BABAM2: variants seen among roughly 807,000 people sequenced by gnomAD.
BABAM2 encodes BRISC and BRCA1 A complex member 2, also known as BRISC and BRCA1-A complex member 2.
In BABAM2, 31 loss-of-function variants were observed where a neutral mutation model predicts 54.7. The ratio of observed to expected loss-of-function variants is 0.57; its 90% CI spans 0.43 to 0.77. BABAM2 has a LOEUF of 0.77. Among genes scored for constraint, BABAM2 ranks in the 30% least tolerant of loss-of-function variants. BABAM2 has a pLI of 0.00. For missense variants in BABAM2, 364 were observed against 455.8 expected, an observed-to-expected ratio of 0.80 and a Z score of 1.83; for synonymous variants, 167 against 162.9, an observed-to-expected ratio of 1.03 and a Z score of -0.19.
intron 2 of BABAM2, among the ~76,000 whole-genome samples, chr2:27,904,961 C>G (rs1177394790): frequency 6.6e-6 from 1 of 152,136 alleles, no homozygotes; most frequent in Non-Finnish European, 1.5e-5. Flanking sequence ...GCAGTCAATA[C>G]AATTAAAGCA....
chr2:28,195,691 C>G (rs1392208784), intron 7 of BABAM2, among the ~76,000 whole-genome samples: 1 of 152,138 alleles, frequency 6.6e-6, no homozygotes, highest in African/African-American at 2.4e-5. Context: ...CGGATATAGA[C>G]AGCCTGTCTT....
chr2:27,934,157 A>T (rs1391861197), intron 3 of BABAM2, among the ~76,000 whole-genome samples: 1 of 151,852 alleles, frequency 6.6e-6, no homozygotes, highest in Non-Finnish European at 1.5e-5. Flanking sequence ...TGCTTATTTC[A>T]TGCCTTTGTG....
intron 2 of BABAM2, 104 bp downstream of exon 2, chr2:27,894,788 C>T (rs1237748719): frequency 7.4e-7 from 1 of 1,348,292 alleles, no homozygotes; most frequent in Admixed American, 1.9e-5. Flanking sequence ...GCCACAGAAA[C>T]CCACCAAGTC....
chr2:28,199,241 G>T (rs1268012961), intron 7 of BABAM2, among the ~76,000 whole-genome samples: 1 of 152,188 alleles, frequency 6.6e-6, no homozygotes, highest in East Asian at 1.9e-4. Flanking sequence ...ATGCTGAGTT[G>T]ACATCTTAGC....
intron 7 of BABAM2, among the ~76,000 whole-genome samples, chr2:28,163,608 A>G (rs970971985): frequency 6.6e-5 from 10 of 152,200 alleles, no homozygotes; most frequent in African/African-American, 2.4e-4. Context: ...CATGGGCCTT[A>G]GGAAGAGAAA....
At chr2:28,158,885 CCTTT>C (rs1672796615) in intron 7 of BABAM2, among the ~76,000 whole-genome samples, 1 of 152,092 alleles carries the variant, frequency 6.6e-6, no homozygotes, top group Admixed American at 6.5e-5. Context: ...ATGCCTTTGC[CCTTT>C]CTTTCTCTGT....
intron 7 of BABAM2, among the ~76,000 whole-genome samples, chr2:28,184,285 T>TCTCTC (rs140329617): frequency 2.0e-5 from 2 of 102,148 alleles, no homozygotes; most frequent in Admixed American, 1.2e-4. Flanking sequence ...TCTCTCTCTC[T>TCTCTC]CCCCCCCTCC....
At chr2:28,333,627 G>A (rs999046610) in intron 11 of BABAM2, among the ~76,000 whole-genome samples, 1 of 152,234 alleles carries the variant, frequency 6.6e-6, no homozygotes, top group East Asian at 1.9e-4. Context: ...CCTGAGCAGA[G>A]AGACTGAGAT....
intron 10 of BABAM2, among the ~76,000 whole-genome samples, chr2:28,258,298 A>C (rs1684141379): frequency 6.6e-6 from 1 of 152,222 alleles, no homozygotes; most frequent in Admixed American, 6.5e-5. Context: ...AAAACGTAGA[A>C]GTGGAAATGC....
intron 6 of BABAM2, among the ~76,000 whole-genome samples, chr2:28,076,651 A>G (rs1280412478): frequency 1.3e-5 from 2 of 151,740 alleles, no homozygotes; most frequent in African/African-American, 2.4e-5. Flanking sequence ...GCCCACCACC[A>G]TGCCTGGCTA....
intron 7 of BABAM2, among the ~76,000 whole-genome samples, chr2:28,226,839 G>A (rs1046635473): frequency 6.6e-6 from 1 of 152,120 alleles, no homozygotes; most frequent in East Asian, 1.9e-4. Flanking sequence ...TAGGTTCTGA[G>A]CCCTGCTCTC....
intron 11 of BABAM2, among the ~76,000 whole-genome samples, chr2:28,337,933 G>A (rs1159959057): frequency 6.6e-6 from 1 of 152,180 alleles, no homozygotes; most frequent in African/African-American, 2.4e-5. Flanking sequence ...GTTACAGTGT[G>A]CTGTGGTTGG....
At chr2:28,337,342 C>T (rs1691558101) in intron 11 of BABAM2, among the ~76,000 whole-genome samples, 1 of 152,138 alleles carries the variant, frequency 6.6e-6, no homozygotes, top group South Asian at 2.1e-4. Context: ...GACTGTGGCC[C>T]GCGGGACTGC....
intron 3 of BABAM2, among the ~76,000 whole-genome samples, chr2:27,981,133 G>A (rs1398066345): frequency 6.6e-6 from 1 of 151,988 alleles, no homozygotes; most frequent in Non-Finnish European, 1.5e-5. Flanking sequence ...AAAGATCTTT[G>A]CAAGTATTTA....
At position 28,034,565 on chromosome 2, in the gene BABAM2, G is replaced by C. The variant is rs1463312717; in HGVS notation, c.495+9145G>C. Reference sequence around the variant, plus strand: ...TTACCATATGTGACCAATAGAGGCTGTGACCTCCAAGGTGCAGATAAAGTG... The same window carrying C: ...TTACCATATGTGACCAATAGAGGCTCTGACCTCCAAGGTGCAGATAAAGTG... On this transcript the variant is annotated intron_variant, in intron 5 of 11. Transcript: ENST00000379624. Among the ~76,000 whole-genome samples the C allele has an allele frequency of 2.6e-5, 4 of 152,140 alleles. No individual in the cohort carries two copies. The East Asian group carries it at 7.7e-4, about 29-fold the overall frequency.
chr2:28,035,474 G>T (rs1170550925), intron 5 of BABAM2, among the ~76,000 whole-genome samples: 1 of 152,088 alleles, frequency 6.6e-6, no homozygotes, highest in Non-Finnish European at 1.5e-5. Context: ...GTTATGTCCT[G>T]ATGGCATTTG....
At chr2:28,107,287 C>T (rs931995189) in intron 6 of BABAM2, among the ~76,000 whole-genome samples, 3 of 152,182 alleles carry the variant, frequency 2.0e-5, no homozygotes, top group Admixed American at 6.5e-5. Context: ...CTTCTTGAAT[C>T]CAGCCTTCCA....
intron 2 of BABAM2, 117 bp downstream of exon 2, chr2:27,894,801 C>A: frequency 8.5e-7 from 1 of 1,171,550 alleles, no homozygotes; most frequent in Non-Finnish European, 1.2e-6. Context: ...ACCAAGTCAT[C>A]ATCTCATCAT....
At chr2:28,271,927 T>C (rs1019574353) in intron 10 of BABAM2, among the ~76,000 whole-genome samples, 1 of 152,222 alleles carries the variant, frequency 6.6e-6, no homozygotes, top group Non-Finnish European at 1.5e-5. Context: ...CATGGTGGAA[T>C]GTAGAGGTGG....
Sources: allele counts gnomAD v4.1 joint callset (sites outside exome capture counted in the v4.1 genomes callset), GRCh38; gene constraint gnomAD v4.1.1; transcripts MANE v1.5; gene names NCBI Gene and HGNC (gene_info 2026-07-23, HGNC 2026-07-21).